The following PAX7 variants were observed in gnomAD, a reference collection of about 807,000 sequenced individuals.
The protein encoded by PAX7 is paired box protein Pax-7.
A neutral mutation model predicts 50.7 loss-of-function variants in PAX7; 18 were observed. The observed-to-expected ratio is 0.36, with a 90% CI of 0.25 to 0.53. The LOEUF is 0.53. Ranked by LOEUF, PAX7 falls within the 20% of genes least tolerant of loss-of-function variation. The probability of loss-of-function intolerance (pLI) is 0.93; values close to 1 mark genes in which losing one functional copy is unlikely to be tolerated. For synonymous variants in PAX7, 310 were observed against 290.4 expected, an observed-to-expected ratio of 1.07 and a Z score of -0.69; for missense variants, 644 against 702.9, an observed-to-expected ratio of 0.92 and a Z score of 0.95.
At chr1:18,707,415 C>CTTTTT (rs60914648) in intron 7 of PAX7, among the ~76,000 whole-genome samples, 6 of 28,060 alleles carry the variant, frequency 2.1e-4, no homozygotes, top group South Asian at 1.8e-3. Flanking sequence ...TTTTTTCTTT[C>CTTTTT]TTTTTTTTTT....
chr1:18,691,337 C>A (rs1322317464), intron 4 of PAX7, among the ~76,000 whole-genome samples: 3 of 152,130 alleles, frequency 2.0e-5, no homozygotes, highest in African/African-American at 4.8e-5. Context: ...AAATTCTGTC[C>A]TTTTAACTGA....
chr1:18,659,014 G>T (rs1230562286), intron 4 of PAX7, among the ~76,000 whole-genome samples: 1 of 152,048 alleles, frequency 6.6e-6, no homozygotes, highest in African/African-American at 2.4e-5. Flanking sequence ...CATGTGTAAT[G>T]TGTGCATGCC....
intron 4 of PAX7, among the ~76,000 whole-genome samples, chr1:18,665,863 A>G (rs952791590): frequency 1.1e-4 from 17 of 150,494 alleles, no homozygotes; most frequent in Non-Finnish European, 1.8e-4. Context: ...ATAGAGACAA[A>G]GTTTCGCCAC....
chr1:18,656,731 A>G (rs775238846), intron 4 of PAX7, among the ~76,000 whole-genome samples: 4 of 152,188 alleles, frequency 2.6e-5, no homozygotes, highest in Non-Finnish European at 5.9e-5. Flanking sequence ...GTGGTGGCTC[A>G]TGCCTGTAAT....
chr1:18,694,747 TG>T (rs2089129318), intron 5 of PAX7, among the ~76,000 whole-genome samples: 1 of 152,132 alleles, frequency 6.6e-6, no homozygotes, highest in South Asian at 2.1e-4. Flanking sequence ...GTTTCCTGTC[TG>T]CAAATAAGGG....
At chr1:18,714,404 C>A (rs1406030942) in intron 7 of PAX7, among the ~76,000 whole-genome samples, 1 of 152,090 alleles carries the variant, frequency 6.6e-6, no homozygotes, top group Non-Finnish European at 1.5e-5. Context: ...ACCCTTAGTT[C>A]CACACCCGGC....
At chr1:18,644,597 G>C (rs1435867301) in intron 4 of PAX7, among the ~76,000 whole-genome samples, 4 of 151,942 alleles carry the variant, frequency 2.6e-5, no homozygotes, top group Non-Finnish European at 5.9e-5. Flanking sequence ...TCACATCTGC[G>C]TGCTTCCTGA....
At chr1:18,725,659 T>C (rs1263670223) in intron 7 of PAX7, among the ~76,000 whole-genome samples, 1 of 152,194 alleles carries the variant, frequency 6.6e-6, no homozygotes, top group Non-Finnish European at 1.5e-5. Flanking sequence ...GCAATCATTA[T>C]CTTTAAATAG....
rs189086516 is a variant in PAX7 at position 18,718,768 on chromosome 1, G to A, written c.1155+15472G>A. On this transcript the variant is annotated intron_variant, in intron 7 of 8. Coordinates refer to ENST00000420770, the MANE Select transcript of PAX7 (RefSeq NM_001135254.2). ...AGTAATTCTCCTGCCTCAGCCTCCCGAGTAGCTGGGATTACAGGCATGCAC... is the reference window on the plus strand; with the variant it reads ...AGTAATTCTCCTGCCTCAGCCTCCCAAGTAGCTGGGATTACAGGCATGCAC... 1.2e-4 allele frequency among the ~76,000 whole-genome samples: 18 copies of A among 151,568 alleles called. No individual in the cohort carries two copies. In the East Asian group the frequency reaches 2.3e-3, roughly 20 times the overall value.
At chr1:18,655,447 G>T (rs2088499116) in intron 4 of PAX7, among the ~76,000 whole-genome samples, 1 of 152,216 alleles carries the variant, frequency 6.6e-6, no homozygotes, top group Admixed American at 6.5e-5. Flanking sequence ...CTGGCAGGGA[G>T]GGGGCTGCAG....
intron 4 of PAX7, among the ~76,000 whole-genome samples, chr1:18,685,200 G>T (rs562244991): frequency 6.6e-6 from 1 of 152,276 alleles, no homozygotes; most frequent in East Asian, 1.9e-4. Flanking sequence ...CTGTAGAATG[G>T]GGATAACACT....
At chr1:18,653,218 C>A (rs766449667) in intron 4 of PAX7, among the ~76,000 whole-genome samples, 1 of 149,828 alleles carries the variant, frequency 6.7e-6, no homozygotes, top group Non-Finnish European at 1.5e-5. Flanking sequence ...TTTTTTTACA[C>A]GAATGGGCTT....
At chr1:18,740,144 G>C (rs1931047158) in intron 8 of PAX7, among the ~76,000 whole-genome samples, 1 of 152,206 alleles carries the variant, frequency 6.6e-6, no homozygotes, top group African/African-American at 2.4e-5. Flanking sequence ...CAGAGGGACA[G>C]GGAGGGCCGT....
At chr1:18,692,529 G>A (rs2089088120) in intron 5 of PAX7, among the ~76,000 whole-genome samples, 2 of 150,902 alleles carry the variant, frequency 1.3e-5, no homozygotes, top group African/African-American at 2.4e-5. Context: ...GTGACAGAGC[G>A]AGACTCCATC....
chr1:18,670,859 A>G (rs2088738727), intron 4 of PAX7, among the ~76,000 whole-genome samples: 1 of 152,162 alleles, frequency 6.6e-6, no homozygotes, highest in South Asian at 2.1e-4. Flanking sequence ...CGCCTTCAGA[A>G]ATGGAAATGG....
At chr1:18,716,678 C>A (rs991255671) in intron 7 of PAX7, among the ~76,000 whole-genome samples, 2 of 151,796 alleles carry the variant, frequency 1.3e-5, no homozygotes, top group East Asian at 3.9e-4. Context: ...CCTCTCTCCA[C>A]CCACTCCATT....
intron 4 of PAX7, among the ~76,000 whole-genome samples, chr1:18,682,037 C>T (rs978607435): frequency 6.6e-6 from 1 of 152,050 alleles, no homozygotes; most frequent in African/African-American, 2.4e-5. Context: ...TATGTCCGGC[C>T]GGGCTTAGAA....
In PAX7 at chr1:18,691,740, T is replaced by A; in HGVS notation, c.587-14T>A. ...TAAGCCCCTGCCTTCTCCCTCCCTCTCCTCCGGCTGTAGGGAACCGGCTGG... is the reference window on the plus strand; with the variant it reads ...TAAGCCCCTGCCTTCTCCCTCCCTCACCTCCGGCTGTAGGGAACCGGCTGG... On this transcript the variant is annotated splice_polypyrimidine_tract_variant and intron_variant, in intron 4 of 8. Coordinates refer to ENST00000420770, the MANE Select transcript of PAX7 (RefSeq NM_001135254.2). 3 of 1,558,294 alleles carry A rather than the reference T, an allele frequency of 1.9e-6. No homozygotes were observed. The highest frequency in any genetic ancestry group is 2.6e-6 in the Non-Finnish European group (3 of 1,150,956).
At chr1:18,666,697 C>A (rs2088674536) in intron 4 of PAX7, among the ~76,000 whole-genome samples, 3 of 152,160 alleles carry the variant, frequency 2.0e-5, no homozygotes, top group Admixed American at 1.3e-4. Context: ...TGACACCACC[C>A]CATTGCCCGG....
Sources: allele counts gnomAD v4.1 joint callset (sites outside exome capture counted in the v4.1 genomes callset), GRCh38; gene constraint gnomAD v4.1.1; transcripts MANE v1.5; gene names NCBI Gene and HGNC (gene_info 2026-07-23, HGNC 2026-07-21).